The following RBFOX1 variants were observed in gnomAD, a reference collection of about 807,000 sequenced individuals.
The protein encoded by RBFOX1 is RNA binding protein fox-1 homolog 1.
Under a neutral mutation model 57.7 loss-of-function variants are expected in RBFOX1, and 8 were observed. The ratio of observed to expected loss-of-function variants is 0.14; its 90% CI spans 0.08 to 0.25. The LOEUF (loss-of-function observed/expected upper bound fraction) is 0.25. RBFOX1 is among the 10% of genes least tolerant of loss of function. The probability of loss-of-function intolerance (pLI) is 1.00; values close to 1 mark genes in which losing one functional copy is unlikely to be tolerated. For missense variants in RBFOX1, 611 were observed against 548.5 expected, an observed-to-expected ratio of 1.11 and a Z score of -1.14; for synonymous variants, 326 against 222.4, an observed-to-expected ratio of 1.47 and a Z score of -4.15.
chr16:6,071,582 T>G (rs560111183), intron 1 of RBFOX1, among the ~76,000 whole-genome samples: 1 of 152,328 alleles, frequency 6.6e-6, no homozygotes, highest in South Asian at 2.1e-4. Context: ...TAGCTGCAAA[T>G]TAGTCTAGAG....
intron 4 of RBFOX1, among the ~76,000 whole-genome samples, chr16:7,181,914 C>G (rs1021081829): frequency 6.6e-6 from 1 of 151,978 alleles, no homozygotes; most frequent in African/African-American, 2.4e-5. Context: ...TACGTAATTT[C>G]TACGGAAAAA....
At chr16:6,074,181 C>G (rs916936469) in intron 1 of RBFOX1, among the ~76,000 whole-genome samples, 2 of 152,116 alleles carry the variant, frequency 1.3e-5, no homozygotes, top group South Asian at 2.1e-4. Flanking sequence ...ACCTTCTGAC[C>G]TTGTGATCCG....
At chr16:5,249,200 T>G (rs2062382427) in intron 1 of RBFOX1, among the ~76,000 whole-genome samples, 1 of 152,134 alleles carries the variant, frequency 6.6e-6, no homozygotes, top group African/African-American at 2.4e-5. Flanking sequence ...CAGGCTGTTG[T>G]AGAAACAGGT....
intron 1 of RBFOX1, among the ~76,000 whole-genome samples, chr16:5,252,212 AC>A (rs1297933509): frequency 6.6e-6 from 1 of 152,200 alleles, no homozygotes; most frequent in Non-Finnish European, 1.5e-5. Flanking sequence ...GGGTTTGTGC[AC>A]ATGTGTGAGC....
chr16:5,654,778 T>G (rs932206097), intron 3 of RBFOX1, among the ~76,000 whole-genome samples: 1 of 152,076 alleles, frequency 6.6e-6, no homozygotes, highest in African/African-American at 2.4e-5. Flanking sequence ...CCTTCCTCCT[T>G]CTTCCTTCTT....
chr16:5,912,096 T>A (rs373129672), intron 4 of RBFOX1, among the ~76,000 whole-genome samples: 6 of 152,072 alleles, frequency 3.9e-5, no homozygotes, highest in Admixed American at 3.3e-4. Flanking sequence ...GAAAAACAAA[T>A]AAGCATTTGG....
intron 3 of RBFOX1, among the ~76,000 whole-genome samples, chr16:6,864,452 C>A (rs944298313): frequency 2.6e-5 from 4 of 152,106 alleles, no homozygotes; most frequent in African/African-American, 9.6e-5. Context: ...ATGACATCAT[C>A]ATGCCCGAAA....
At chr16:7,486,970 G>T (rs1238208324) in intron 4 of RBFOX1, among the ~76,000 whole-genome samples, 1 of 152,108 alleles carries the variant, frequency 6.6e-6, no homozygotes, top group East Asian at 1.9e-4. Context: ...CACAATCTCG[G>T]CTCACTGCAA....
chr16:6,681,687 A>C (rs966600392), intron 3 of RBFOX1, among the ~76,000 whole-genome samples: 6 of 145,258 alleles, frequency 4.1e-5, no homozygotes, highest in African/African-American at 1.5e-4. Flanking sequence ...AAAAAAAAAA[A>C]TCTTTCTCCA....
At chr16:5,454,926 T>TTCCTTC (rs2068562876) in intron 1 of RBFOX1, among the ~76,000 whole-genome samples, 3 of 54,808 alleles carry the variant, frequency 5.5e-5, no homozygotes, top group Non-Finnish European at 1.1e-4. Context: ...TTTGTTTCTT[T>TTCCTTC]CTTCCTTCCT....
intron 3 of RBFOX1, among the ~76,000 whole-genome samples, chr16:6,942,832 C>G (rs1209718025): frequency 2.0e-5 from 3 of 152,122 alleles, no homozygotes; most frequent in African/African-American, 4.8e-5. Flanking sequence ...TGACCCTGAA[C>G]AGGTTTTGAG....
intron 2 of RBFOX1, among the ~76,000 whole-genome samples, chr16:5,589,970 A>G (rs983820571): frequency 2.6e-5 from 4 of 152,066 alleles, no homozygotes; most frequent in Non-Finnish European, 5.9e-5. Context: ...GCCTTGACTG[A>G]CGTGAGACTG....
At chr16:5,880,745 C>T (rs914312935) in intron 4 of RBFOX1, among the ~76,000 whole-genome samples, 1 of 152,132 alleles carries the variant, frequency 6.6e-6, no homozygotes, top group Admixed American at 6.5e-5. Flanking sequence ...GGGAGAACAA[C>T]AGGCCTCCTT....
At chr16:6,926,831 A>T (rs756764154) in intron 3 of RBFOX1, among the ~76,000 whole-genome samples, 2 of 152,162 alleles carry the variant, frequency 1.3e-5, no homozygotes, top group Non-Finnish European at 2.9e-5. Flanking sequence ...CCGTGCAGAT[A>T]CAAAATACAT....
intron 1 of RBFOX1, among the ~76,000 whole-genome samples, chr16:6,278,399 A>T (rs1043888485): frequency 1.3e-5 from 2 of 149,074 alleles, no homozygotes; most frequent in Non-Finnish European, 3.0e-5. Flanking sequence ...AAAAAAAAAA[A>T]AAAAAAAAAA....
At chr16:5,631,324 C>T (rs764649513) in intron 3 of RBFOX1, among the ~76,000 whole-genome samples, 3 of 152,078 alleles carry the variant, frequency 2.0e-5, no homozygotes, top group Non-Finnish European at 2.9e-5. Context: ...TTTGGGAAGC[C>T]GAGGCAGGTG....
chr16:6,558,430 G>C (rs934994840), intron 2 of RBFOX1, among the ~76,000 whole-genome samples: 4 of 152,082 alleles, frequency 2.6e-5, no homozygotes, highest in Non-Finnish European at 5.9e-5. Flanking sequence ...TTTAGTTTTA[G>C]AAAACATGGA....
chr16:5,243,574 C>A (rs867891106), intron 1 of RBFOX1, among the ~76,000 whole-genome samples: 1 of 152,150 alleles, frequency 6.6e-6, no homozygotes, highest in African/African-American at 2.4e-5. Flanking sequence ...GTGCCATTCC[C>A]CCCTCCCAGC....
At chr16:6,704,379 A>T (rs2062360244) in intron 3 of RBFOX1, 2 of 152,328 alleles carry the variant, frequency 1.3e-5, no homozygotes, top group East Asian at 3.9e-4. Context: ...AGCCAAACCT[A>T]GACAAACATG....
Sources: gnomAD v4.1 joint callset for allele counts (sites outside exome capture counted in the v4.1 genomes callset) on GRCh38, gnomAD v4.1.1 for gene constraint, MANE v1.5 for transcripts, NCBI Gene and HGNC (gene_info 2026-07-23, HGNC 2026-07-21) for gene names.